Variants in DENND2C observed in about 807,000 individuals in gnomAD.
DENND2C encodes DENN domain-containing protein 2C.
In DENND2C, 72 loss-of-function variants were observed where a neutral mutation model predicts 112.4. The ratio of observed to expected loss-of-function variants is 0.64; its 90% CI spans 0.53 to 0.78. DENND2C has a LOEUF of 0.78. Ranked by LOEUF, DENND2C falls within the 30% of genes least tolerant of loss-of-function variation. The pLI is 0.00. For synonymous variants in DENND2C, 329 were observed against 381.6 expected, an observed-to-expected ratio of 0.86 and a Z score of 1.61; for missense variants, 992 against 1,113.8, an observed-to-expected ratio of 0.89 and a Z score of 1.56.
intron 3 of DENND2C, among the ~76,000 whole-genome samples, chr1:114,630,407 C>T (rs1263873888): frequency 6.6e-6 from 1 of 152,032 alleles, no homozygotes; most frequent in African/African-American, 2.4e-5. Context: ...GCCTTTCCCA[C>T]ATCAATAACT....
chr1:114,637,826 A>G (rs1398723742), intron 3 of DENND2C, among the ~76,000 whole-genome samples: 1 of 152,088 alleles, frequency 6.6e-6, no homozygotes, highest in Non-Finnish European at 1.5e-5. Flanking sequence ...GGAATATTCA[A>G]CTTTGTTACT....
chr1:114,659,455 T>A (rs917819050), intron 1 of DENND2C, among the ~76,000 whole-genome samples: 1 of 152,036 alleles, frequency 6.6e-6, no homozygotes, highest in African/African-American at 2.4e-5. Context: ...TGAGCGGAGA[T>A]CCCACCACTG....
At chr1:114,633,319 C>A (rs79954629) in intron 3 of DENND2C, among the ~76,000 whole-genome samples, 7,530 of 151,384 alleles carry the variant, frequency 0.05, 212 homozygotes, top group South Asian at 0.084. Flanking sequence ...GTGGTGCCTG[C>A]CAGTAATCCT....
intron 18 of DENND2C, among the ~76,000 whole-genome samples, chr1:114,589,928 G>A (rs1464313509): frequency 6.6e-6 from 1 of 152,102 alleles, no homozygotes; most frequent in East Asian, 1.9e-4. Context: ...TTCCAACAGA[G>A]TGACCATGGA....
intron 3 of DENND2C, among the ~76,000 whole-genome samples, chr1:114,630,703 C>T (rs574354494): frequency 6.6e-6 from 1 of 152,322 alleles, no homozygotes; most frequent in South Asian, 2.1e-4. Context: ...CTCCAGAAAT[C>T]TACATAGAGT....
At chr1:114,611,266 G>GTGGT in intron 8 of DENND2C, 149 bp from the exon 9 acceptor site, 2 of 804,314 alleles carry the variant, frequency 2.5e-6, no homozygotes, top group African/African-American at 1.7e-5. Flanking sequence ...GTTGTATCAA[G>GTGGT]TTGGGATAGT....
chr1:114,623,664 T>G, intron 4 of DENND2C, 21 bp from the exon 5 acceptor site: 1 of 1,546,928 alleles, frequency 6.5e-7, no homozygotes. Flanking sequence ...GAGATATATT[T>G]TAAAGTTATA....
In DENND2C at chr1:114,582,867, T is replaced by C. The variant is rs544129954; in HGVS notation, c.*2733A>G. On this transcript the variant is annotated 3_prime_UTR_variant, in exon 21 of 21. Coordinates refer to ENST00000393274, the MANE Select transcript of DENND2C (RefSeq NM_001256404.2). ...AAGGGATCTGTGGGGGGTTTATGTA[T>C]TTATTCATTAAAAGATCTGTAAACA... The C allele has an allele frequency of 6.6e-5, 10 of 152,346 alleles. No individual in the cohort carries two copies. In the East Asian group the frequency reaches 1.7e-3, roughly 26 times the overall value. 9.4% of individuals were successfully genotyped at this position (152,346 alleles called of 1,614,324 possible).
chr1:114,615,195 A>G (rs192279065), intron 8 of DENND2C, among the ~76,000 whole-genome samples: 18 of 152,348 alleles, frequency 1.2e-4, no homozygotes, highest in Non-Finnish European at 2.5e-4. Flanking sequence ...AGTTATTTAG[A>G]AAATTAATAA....
intron 8 of DENND2C, among the ~76,000 whole-genome samples, chr1:114,613,529 T>C (rs1307972632): frequency 6.6e-6 from 1 of 152,186 alleles, no homozygotes; most frequent in Non-Finnish European, 1.5e-5. Flanking sequence ...TGACAAAAAG[T>C]ATAGTGTGAC....
In DENND2C at chr1:114,633,488, TGAAG is replaced by T. The variant is rs1222584149; in HGVS notation, c.-204-7304_-204-7301del. On this transcript the variant is annotated intron_variant, in intron 3 of 20. Transcript: ENST00000393274. Reference sequence around the variant, plus strand: ...GAAAAAGAAGGAAGGAAGGAAGGAATGAAGGAAGGAAGGAAGGAAAAAGAAATCA... The same window carrying T: ...GAAAAAGAAGGAAGGAAGGAAGGAATGAAGGAAGGAAGGAAAAAGAAATCA... 2.8e-3 allele frequency among the ~76,000 whole-genome samples: 245 copies of T among 88,242 alleles called. 1 individual carries two copies. Among genetic ancestry groups the T allele is most frequent in the African/African-American group, 7.8e-3 (185 of 23,744 alleles). The allele number at this position is 88,242 out of a possible 152,430, so 57.9% of individuals were successfully genotyped here. A position where few individuals can be genotyped will look rare whatever the true frequency, so the allele number is the denominator to read the frequency against.
chr1:114,592,762 A>G (rs182748980), intron 18 of DENND2C, among the ~76,000 whole-genome samples: 2 of 152,152 alleles, frequency 1.3e-5, no homozygotes, highest in East Asian at 1.9e-4. Flanking sequence ...TTTACAATCA[A>G]TTGCTGAATG....
At chr1:114,624,397 C>T (rs1656270748) in intron 4 of DENND2C, among the ~76,000 whole-genome samples, 1 of 152,036 alleles carries the variant, frequency 6.6e-6, no homozygotes, top group Admixed American at 6.5e-5. Flanking sequence ...AGCTTTTGGG[C>T]TCAAGTAATA....
chr1:114,597,593 C>T (rs1655378959), intron 16 of DENND2C, among the ~76,000 whole-genome samples: 2 of 152,004 alleles, frequency 1.3e-5, no homozygotes, highest in Non-Finnish European at 2.9e-5. Flanking sequence ...ACCAGCCTGG[C>T]CAACATCGTG....
chr1:114,668,449 T>C (rs1401399648), intron 1 of DENND2C, among the ~76,000 whole-genome samples: 1 of 152,034 alleles, frequency 6.6e-6, no homozygotes, highest in Non-Finnish European at 1.5e-5. Context: ...TTTAGAAAAC[T>C]GCTTATTGTC....
intron 11 of DENND2C, among the ~76,000 whole-genome samples, chr1:114,602,495 C>T (rs1557941687): frequency 6.6e-6 from 1 of 152,180 alleles, no homozygotes; most frequent in African/African-American, 2.4e-5. Flanking sequence ...ATGAGATAAG[C>T]TGTTGATGTT....
intron 8 of DENND2C, among the ~76,000 whole-genome samples, chr1:114,617,453 G>A (rs1656004083): frequency 6.6e-6 from 1 of 151,956 alleles, no homozygotes. Flanking sequence ...TGGGATTATG[G>A]GCACACGCCA....
intron 18 of DENND2C, among the ~76,000 whole-genome samples, chr1:114,593,483 C>G (rs918204741): frequency 6.6e-6 from 1 of 152,134 alleles, no homozygotes. Flanking sequence ...TTTATTACTC[C>G]TCTAAATCTG....
intron 1 of DENND2C, among the ~76,000 whole-genome samples, chr1:114,660,551 CCCCTT>C (rs1402146784): frequency 2.6e-5 from 4 of 152,156 alleles, no homozygotes; most frequent in Non-Finnish European, 5.9e-5. Context: ...TTCCCTCCCT[CCCCTT>C]GAGTGTTGGA....
Sources: gnomAD v4.1 joint callset for allele counts (sites outside exome capture counted in the v4.1 genomes callset) on GRCh38, gnomAD v4.1.1 for gene constraint, MANE v1.5 for transcripts, NCBI Gene and HGNC (gene_info 2026-07-23, HGNC 2026-07-21) for gene names.